The following SLC7A11 variants were observed in gnomAD, a reference collection of about 807,000 sequenced individuals.
SLC7A11 encodes the protein cystine/glutamate transporter.
In SLC7A11, 35 loss-of-function variants were observed where a neutral mutation model predicts 54.5. The observed-to-expected ratio is 0.64, with a 90% CI of 0.49 to 0.85. The LOEUF (loss-of-function observed/expected upper bound fraction) is 0.85, where lower values mean the gene tolerates loss of function less well. SLC7A11 is among the 40% of genes least tolerant of loss of function. SLC7A11 has a pLI of 0.00. For synonymous variants in SLC7A11, 230 were observed against 225.2 expected (o/e 1.02, Z -0.19); for missense variants, 583 against 618.1 (o/e 0.94, Z 0.60).
chr4:138,190,889 TGACTGAGAG>T (rs1415036419), intron 6 of SLC7A11, among the ~76,000 whole-genome samples: 12 of 152,210 alleles, frequency 7.9e-5, no homozygotes, highest in African/African-American at 2.9e-4. Context: ...GGACTACAGA[TGACTGAGAG>T]CATCTGTAGA....
At chr4:138,179,721 G>T (rs1736674357) in intron 10 of SLC7A11, among the ~76,000 whole-genome samples, 1 of 152,098 alleles carries the variant, frequency 6.6e-6, no homozygotes, top group East Asian at 1.9e-4. Context: ...ATGATTTATG[G>T]TTTTGATTTT....
At position 138,171,024 on chromosome 4, in the gene SLC7A11, A is replaced by G. The variant is rs975120113; in HGVS notation, c.*932T>C. The G allele has an allele frequency of 1.8e-4, 28 of 152,124 alleles. No individual in the cohort carries two copies. The highest frequency in any genetic ancestry group is 1.8e-3 in the Admixed American group (27 of 15,274). The allele number at this position is 152,124 out of a possible 1,614,324, so 9.4% of individuals were successfully genotyped here. On this transcript the variant is annotated 3_prime_UTR_variant, in exon 12 of 12. Coordinates refer to ENST00000280612, the MANE Select transcript of SLC7A11 (RefSeq NM_014331.4). ...TAGATATGATTACAGATATGGGACT[A>G]TTATTTTGAACATCTTCTTTGTTGG...
In SLC7A11 at chr4:138,196,003, A is replaced by G. The variant is rs542604541; in HGVS notation, c.792-10759T>C. Among the ~76,000 whole-genome samples, 104 of 152,100 alleles carry G rather than the reference A, an allele frequency of 6.8e-4. 3 individuals are homozygous for G. In the South Asian group the frequency reaches 0.02, roughly 29 times the overall value. On this transcript the variant is annotated intron_variant, in intron 6 of 11. Transcript: ENST00000280612. ...TTTGGCAAAGACTTAAAGAAGGCTT[A>G]AAAAAATGGAAGCAGTGAAGAGAAA...
At chr4:138,181,346 G>C (rs139483085) in intron 9 of SLC7A11, among the ~76,000 whole-genome samples, 53 of 152,088 alleles carry the variant, frequency 3.5e-4, no homozygotes, top group Admixed American at 2.8e-3. Context: ...TGTGCTTGCC[G>C]TGTGTGACCC....
intron 1 of SLC7A11, among the ~76,000 whole-genome samples, chr4:138,241,328 C>T (rs941214947): frequency 6.6e-6 from 1 of 152,110 alleles, no homozygotes; most frequent in Non-Finnish European, 1.5e-5. Context: ...AAGACTGCCA[C>T]CCATTTGTTT....
chr4:138,190,264 GA>G, intron 6 of SLC7A11, among the ~76,000 whole-genome samples: 1 of 151,972 alleles, frequency 6.6e-6, no homozygotes, highest in Non-Finnish European at 1.5e-5. Flanking sequence ...GAGGGAAAGA[GA>G]AAAAATTAAG....
intron 6 of SLC7A11, among the ~76,000 whole-genome samples, chr4:138,205,415 T>C (rs1184636174): frequency 2.6e-5 from 4 of 152,094 alleles, no homozygotes; most frequent in Non-Finnish European, 5.9e-5. Flanking sequence ...ATCAATAATC[T>C]AAGTCAGTGT....
At chr4:138,211,680 C>A (rs1737553123) in intron 6 of SLC7A11, among the ~76,000 whole-genome samples, 1 of 151,854 alleles carries the variant, frequency 6.6e-6, no homozygotes, top group Non-Finnish European at 1.5e-5. Context: ...TATATAAACA[C>A]ACACTAGAAT....
At chr4:138,222,002 T>C (rs1269383691) in intron 4 of SLC7A11, among the ~76,000 whole-genome samples, 1 of 152,196 alleles carries the variant, frequency 6.6e-6, no homozygotes, top group African/African-American at 2.4e-5. Context: ...TCCTAACGAA[T>C]AAGATAGAAA....
At chr4:138,181,947 T>C (rs1380233311) in intron 9 of SLC7A11, among the ~76,000 whole-genome samples, 1 of 152,104 alleles carries the variant, frequency 6.6e-6, no homozygotes, top group Non-Finnish European at 1.5e-5. Flanking sequence ...GACTGTAGCT[T>C]TTTGCTCTAC....
chr4:138,241,732 C>T (rs921075748), intron 1 of SLC7A11, 61 bp downstream of exon 1: 1 of 1,347,714 alleles, frequency 7.4e-7, no homozygotes, highest in Non-Finnish European at 1.1e-6. Context: ...ATTTGCTTTC[C>T]CAGAAAGCAA....
rs1736240996 is a variant in SLC7A11 at position 138,165,784 on chromosome 4, A to C, written c.*6172T>G. ...GGAAGAACCCAGTTCTTAAGACTTA[A>C]GTAGGAAATTTATAGAAATTTGATT... On this transcript the variant is annotated 3_prime_UTR_variant, in exon 12 of 12. Transcript: ENST00000280612. 1 of 152,180 alleles carries C rather than the reference A, an allele frequency of 6.6e-6. No individual in the cohort carries two copies. Among genetic ancestry groups the C allele is most frequent in the Admixed American group, 6.5e-5 (1 of 15,276 alleles). 9.4% of individuals were successfully genotyped at this position (152,180 alleles called of 1,614,324 possible).
rs1341828754 is a variant in SLC7A11 at position 138,164,472 on chromosome 4, T to C, written c.*7484A>G. 2 of 152,318 alleles carry C rather than the reference T, an allele frequency of 1.3e-5. No individual in the cohort carries two copies. The highest frequency in any genetic ancestry group is 4.8e-5 in the African/African-American group (2 of 41,582). The allele number at this position is 152,318 out of a possible 1,614,324, so 9.4% of individuals were successfully genotyped here. On this transcript the variant is annotated 3_prime_UTR_variant, in exon 12 of 12. Transcript: ENST00000280612. ...CCATTTTATTTCACATATCACATGC[T>C]TGTGCAGGCATCAGTGCTAGGAACC...
At position 138,166,643 on chromosome 4, in the gene SLC7A11, GT is replaced by G. The variant is rs1337337647; in HGVS notation, c.*5312del. The G allele has an allele frequency of 6.6e-6, 1 of 152,578 alleles. No homozygotes were observed. Among genetic ancestry groups the G allele is most frequent in the Non-Finnish European group, 1.5e-5 (1 of 68,030 alleles). 9.5% of individuals were successfully genotyped at this position (152,578 alleles called of 1,614,324 possible). A position where few individuals can be genotyped will look rare whatever the true frequency, so the allele number is the denominator to read the frequency against. ...CAGATGCCTAATGCTCTACAGTTTT[GT>G]GAGAGAATTGTTAACTGTAAAGCTG... On this transcript the variant is annotated 3_prime_UTR_variant, in exon 12 of 12. Transcript: ENST00000280612.
rs377508531 is a variant in SLC7A11 at position 138,166,690 on chromosome 4, A to G, written c.*5266T>C. The G allele has an allele frequency of 6.6e-6, 1 of 152,594 alleles. No homozygotes were observed. The highest frequency in any genetic ancestry group is 2.4e-5 in the African/African-American group (1 of 41,454). The allele number at this position is 152,594 out of a possible 1,614,324, so 9.5% of individuals were successfully genotyped here. On this transcript the variant is annotated 3_prime_UTR_variant, in exon 12 of 12. Transcript: ENST00000280612. Reference sequence around the variant, plus strand: ...AGCTGTAAAGGCGGTTATTGGTACTATAAATGTACACTTGATTCAAGTACG... The same window carrying G: ...AGCTGTAAAGGCGGTTATTGGTACTGTAAATGTACACTTGATTCAAGTACG...
intron 6 of SLC7A11, among the ~76,000 whole-genome samples, chr4:138,202,223 A>G (rs1449182934): frequency 2.6e-5 from 4 of 152,074 alleles, no homozygotes; most frequent in African/African-American, 9.7e-5. Flanking sequence ...ATTATACCAC[A>G]TTAATGGCAC....
Position 138,179,298 on chromosome 4 carries a change from C to T in SLC7A11, c.1363G>A (p.Val455Ile), listed in dbSNP as rs776220735. 36 of 1,612,424 alleles carry T rather than the reference C, an allele frequency of 2.2e-5. No individual in the cohort carries two copies. Among genetic ancestry groups the T allele is most frequent in the East Asian group, 6.7e-5 (3 of 44,826 alleles). Residue 455 changes from valine (V) to isoleucine (I), a missense_variant, in exon 11 of 12, where the codon GTC (valine) becomes ATC (isoleucine). Coordinates refer to ENST00000280612, the MANE Select transcript of SLC7A11 (RefSeq NM_014331.4). ...GCAGGGACTCCAGTCAGAGTGATGA[C>T]GAAGCCAATCCCTGTACTAAATGGG... ...SDPFSTGIGF[V>I]ITLTGVPAYY...
intron 6 of SLC7A11, among the ~76,000 whole-genome samples, chr4:138,192,897 GC>G (rs1386123604): frequency 6.6e-6 from 1 of 152,016 alleles, no homozygotes; most frequent in Non-Finnish European, 1.5e-5. Flanking sequence ...CTCTTGTTTT[GC>G]CCAAGGACTC....
chr4:138,164,959 T>A lies in SLC7A11; in HGVS notation c.*6997A>T, dbSNP rs969335814. ...GCCAGCATATCCTTCAAGGGTAACC[T>A]GAGTTCCAAGACTTTCCCACTGGGC... is the stretch of plus-strand genomic sequence containing the variant. On this transcript the variant is annotated 3_prime_UTR_variant, in exon 12 of 12. Coordinates refer to ENST00000280612, the MANE Select transcript of SLC7A11 (RefSeq NM_014331.4). 6.6e-6 allele frequency: 1 copy of A among 152,164 alleles called. No homozygotes were observed. Among genetic ancestry groups the A allele is most frequent in the African/African-American group, 2.4e-5 (1 of 41,454 alleles). 9.4% of individuals were successfully genotyped at this position (152,164 alleles called of 1,614,324 possible).
Sources: allele counts gnomAD v4.1 joint callset (sites outside exome capture counted in the v4.1 genomes callset), GRCh38; gene constraint gnomAD v4.1.1; transcripts MANE v1.5; gene names NCBI Gene and HGNC (gene_info 2026-07-23, HGNC 2026-07-21).